FGD4: variants seen among roughly 807,000 people sequenced by gnomAD.
FGD4 encodes FYVE, RhoGEF and PH domain containing 4.
A neutral mutation model predicts 102.0 loss-of-function variants in FGD4; 42 were observed. That is an observed-to-expected ratio of 0.41 (90% CI 0.32 to 0.53). FGD4 has a LOEUF of 0.53. FGD4 is among the 20% of genes least tolerant of loss of function. The pLI, the probability that FGD4 is intolerant of heterozygous loss-of-function variation, is 0.21. For synonymous variants in FGD4, 380 were observed against 375.7 expected, an observed-to-expected ratio of 1.01 and a Z score of -0.13; for missense variants, 902 against 1,078.2, an observed-to-expected ratio of 0.84 and a Z score of 2.29.
chr12:32,507,714 A>G (rs1270592333), intron 1 of FGD4, among the ~76,000 whole-genome samples: 2 of 152,222 alleles, frequency 1.3e-5, no homozygotes, highest in Non-Finnish European at 2.9e-5. Flanking sequence ...CTCTCATACT[A>G]GCTACCTGGA....
chr12:32,541,610 C>T (rs1942837770), intron 1 of FGD4, among the ~76,000 whole-genome samples: 1 of 152,110 alleles, frequency 6.6e-6, no homozygotes, highest in Non-Finnish European at 1.5e-5. Context: ...GTGATCCGCC[C>T]GCCTCAGCCT....
intron 1 of FGD4, among the ~76,000 whole-genome samples, chr12:32,467,030 A>G (rs546873151): frequency 6.6e-6 from 1 of 152,196 alleles, no homozygotes; most frequent in East Asian, 1.9e-4. Flanking sequence ...ATATTTTATT[A>G]GGTAGAAATA....
intron 1 of FGD4, among the ~76,000 whole-genome samples, chr12:32,528,989 C>G (rs902872653): frequency 6.6e-6 from 1 of 152,140 alleles, no homozygotes; most frequent in Non-Finnish European, 1.5e-5. Flanking sequence ...GATAATACAT[C>G]TGCTTTGAAG....
chr12:32,619,354 T>G (rs542150400), intron 10 of FGD4, among the ~76,000 whole-genome samples: 67 of 152,088 alleles, frequency 4.4e-4, no homozygotes, highest in Non-Finnish European at 1.5e-5. Context: ...TCCAGCCGGG[T>G]GCGGTGGCTC....
chr12:32,434,147 C>T (rs1942149817), intron 1 of FGD4, among the ~76,000 whole-genome samples: 1 of 152,216 alleles, frequency 6.6e-6, no homozygotes, highest in South Asian at 2.1e-4. Context: ...AACCACTGTG[C>T]CCGGCCTGAT....
chr12:32,608,351 T>C (rs1948920942), intron 8 of FGD4, among the ~76,000 whole-genome samples: 1 of 152,220 alleles, frequency 6.6e-6, no homozygotes, highest in African/African-American at 2.4e-5. Context: ...TATAAAATTA[T>C]AGTCTTAAAG....
chr12:32,640,614 A>G lies in FGD4; in HGVS notation c.*81A>G. 1.3e-6 allele frequency: 2 copies of G among 1,597,396 alleles called. No homozygotes were observed. The highest frequency in any genetic ancestry group is 1.7e-5 in the Admixed American group (1 of 59,634). ...TCCCAGCTCTTCTTACACATCTGCT[A>G]GCACTTTATGTTGAAAAATATAGGC... On this transcript the variant is annotated 3_prime_UTR_variant, in exon 17 of 17. Coordinates refer to ENST00000534526, the MANE Select transcript of FGD4 (RefSeq NM_001370298.3).
At chr12:32,419,886 GC>G (rs962355188) in intron 1 of FGD4, among the ~76,000 whole-genome samples, 13 of 151,880 alleles carry the variant, frequency 8.6e-5, no homozygotes, top group Non-Finnish European at 4.4e-5. Context: ...CAACTGCTGT[GC>G]TGTCCATCTC....
At chr12:32,472,472 G>C (rs890325079) in intron 1 of FGD4, among the ~76,000 whole-genome samples, 8 of 152,336 alleles carry the variant, frequency 5.3e-5, no homozygotes, top group South Asian at 4.1e-4. Flanking sequence ...TCCCCCAGCA[G>C]TGCTGGCCCA....
chr12:32,453,237 A>ATATTTT (rs768366013), intron 1 of FGD4, among the ~76,000 whole-genome samples: 1 of 90,548 alleles, frequency 1.1e-5, no homozygotes, highest in Non-Finnish European at 2.0e-5. Flanking sequence ...ATATATATAT[A>ATATTTT]TTTTTTTTTT....
chr12:32,492,594 A>C (rs921549774), intron 1 of FGD4, among the ~76,000 whole-genome samples: 2 of 152,188 alleles, frequency 1.3e-5, no homozygotes. Context: ...TGAAATTGCT[A>C]TAGTTTATTA....
chr12:32,481,423 C>G (rs1321313161), intron 1 of FGD4, among the ~76,000 whole-genome samples: 2 of 152,142 alleles, frequency 1.3e-5, no homozygotes, highest in Non-Finnish European at 2.9e-5. Flanking sequence ...ACCTCTCTGT[C>G]ATATTTTTGC....
At chr12:32,491,779 A>G (rs899476503) in intron 1 of FGD4, among the ~76,000 whole-genome samples, 4 of 152,206 alleles carry the variant, frequency 2.6e-5, no homozygotes, top group Admixed American at 2.6e-4. Context: ...AGTTAAACCA[A>G]AAATAACACT....
chr12:32,495,425 G>A (rs545402022), intron 1 of FGD4, among the ~76,000 whole-genome samples: 1 of 152,230 alleles, frequency 6.6e-6, no homozygotes, highest in South Asian at 2.1e-4. Context: ...GGCTGGGCAC[G>A]GTGGCTCACG....
intron 7 of FGD4, among the ~76,000 whole-genome samples, chr12:32,606,928 A>G (rs550398478): frequency 6.6e-6 from 1 of 152,350 alleles, no homozygotes; most frequent in East Asian, 1.9e-4. Flanking sequence ...ATTTTCTGAC[A>G]GATAAGATGC....
chr12:32,547,408 C>G (rs749343771), intron 1 of FGD4, among the ~76,000 whole-genome samples: 1 of 152,172 alleles, frequency 6.6e-6, no homozygotes, highest in African/African-American at 2.4e-5. Context: ...CCACTATATT[C>G]CAGCCTGTCT....
rs1393395848 is a variant in FGD4 at position 32,643,980 on chromosome 12, T to C, written c.*3447T>C. The C allele has an allele frequency of 6.6e-6, 1 of 152,184 alleles. No individual in the cohort carries two copies. The highest frequency in any genetic ancestry group is 2.4e-5 in the African/African-American group (1 of 41,476). 9.4% of individuals were successfully genotyped at this position (152,184 alleles called of 1,614,324 possible). On this transcript the variant is annotated 3_prime_UTR_variant, in exon 17 of 17. Transcript: ENST00000534526. ...AGTAGCAAGCACCAACCGGAGCAAG[T>C]AAACTTCTAGGGAACAAGCGTCTTG...
intron 12 of FGD4, 60 bp from the exon 13 acceptor site, chr12:32,624,916 A>C (rs577764278): frequency 8.9e-6 from 12 of 1,347,346 alleles, no homozygotes; most frequent in Non-Finnish European, 1.3e-5. Context: ...TTGATAAAGT[A>C]TATTCATTGG....
At chr12:32,558,252 A>G (rs1944273541) in intron 1 of FGD4, among the ~76,000 whole-genome samples, 1 of 151,728 alleles carries the variant, frequency 6.6e-6, no homozygotes, top group South Asian at 2.1e-4. Context: ...CTAAATGCAA[A>G]TAAAGTGGTT....
Sources: allele counts gnomAD v4.1 joint callset (sites outside exome capture counted in the v4.1 genomes callset), GRCh38; gene constraint gnomAD v4.1.1; transcripts MANE v1.5; gene names NCBI Gene and HGNC (gene_info 2026-07-23, HGNC 2026-07-21).